EML1: variants seen among roughly 807,000 people sequenced by gnomAD.
EML1 encodes the protein EMAP like 1, also known as echinoderm microtubule-associated protein-like 1.
In EML1, 27 loss-of-function variants were observed where a neutral mutation model predicts 110.4. That is an observed-to-expected ratio of 0.24 (90% CI 0.18 to 0.34). The LOEUF (loss-of-function observed/expected upper bound fraction) is 0.34. EML1 is among the 10% of genes least tolerant of loss of function. The pLI is 1.00. For synonymous variants in EML1, 344 were observed against 385.8 expected (o/e 0.89, Z 1.27); for missense variants, 741 against 1,030.9 (o/e 0.72, Z 3.85).
rs191550549 is a variant in EML1 at position 99,922,938 on chromosome 14, C to A, written c.1909+2061C>A. ...TATTTTTTCTGAATGTATGGCTTAT[C>A]TTTTTTTCTGTTTGTTTGTTTTTGA... On this transcript the variant is annotated intron_variant, in intron 17 of 21. Coordinates refer to ENST00000262233, the MANE Select transcript of EML1 (RefSeq NM_004434.3). Among the ~76,000 whole-genome samples the A allele has an allele frequency of 2.3e-3, 343 of 152,128 alleles. 3 individuals are homozygous for A. Among genetic ancestry groups the A allele is most frequent in the Non-Finnish European group, 2.3e-3 (154 of 67,986 alleles).
chr14:99,850,291 G>A, intron 1 of EML1: 1 of 1,288,818 alleles, frequency 7.8e-7, no homozygotes, highest in Non-Finnish European at 1.0e-6. Context: ...ATCACGGAGA[G>A]GTTTATAGAC....
At chr14:99,768,774 G>A (rs1282477839), upstream of EML1, among the ~76,000 whole-genome samples, 1 of 150,806 alleles carries the variant, frequency 6.6e-6, no homozygotes, top group Admixed American at 6.6e-5. Context: ...CTGGAGGGCA[G>A]TGGCACAATC....
At chr14:99,880,855 A>C (rs965502954) in intron 4 of EML1, among the ~76,000 whole-genome samples, 3 of 152,222 alleles carry the variant, frequency 2.0e-5, no homozygotes, top group African/African-American at 7.2e-5. Flanking sequence ...TATCCAGCGT[A>C]GGGCTTGGCA....
chr14:99,764,671 G>A (rs531358437), intron 1 of EML1, among the ~76,000 whole-genome samples: 1 of 152,224 alleles, frequency 6.6e-6, no homozygotes, highest in Non-Finnish European at 1.5e-5. Flanking sequence ...GGCTGAGAAG[G>A]AAAGGGGAGA....
intron 1 of EML1, among the ~76,000 whole-genome samples, chr14:99,751,794 G>A (rs777907231): frequency 3.9e-5 from 6 of 152,096 alleles, no homozygotes; most frequent in Admixed American, 1.3e-4. Flanking sequence ...CCCCAGAACC[G>A]GGGCGGAAGA....
intron 1 of EML1, among the ~76,000 whole-genome samples, chr14:99,840,677 A>T (rs1020595623): frequency 6.6e-6 from 1 of 152,198 alleles, no homozygotes; most frequent in Non-Finnish European, 1.5e-5. Context: ...TTTTAAAATT[A>T]CTAGGCCACT....
At chr14:99,828,868 G>A (rs1287384070) in intron 1 of EML1, among the ~76,000 whole-genome samples, 3 of 152,224 alleles carry the variant, frequency 2.0e-5, no homozygotes, top group Admixed American at 6.5e-5. Context: ...GTTAGTGGAA[G>A]CGGGTCATCA....
At chr14:99,923,084 G>A (rs547551495) in intron 17 of EML1, among the ~76,000 whole-genome samples, 8 of 152,084 alleles carry the variant, frequency 5.3e-5, no homozygotes, top group Non-Finnish European at 1.2e-4. Context: ...TGGGAACACA[G>A]GCACACACCA....
At chr14:99,914,003 A>ATCTG (rs1336865109) in intron 13 of EML1, among the ~76,000 whole-genome samples, 176 bp from the exon 14 acceptor site, 1 of 151,798 alleles carries the variant, frequency 6.6e-6, no homozygotes, top group South Asian at 2.1e-4. Context: ...TGTGGTATCT[A>ATCTG]TGTGAAACTC....
chr14:99,769,008 A>C (rs568755730), upstream of EML1, among the ~76,000 whole-genome samples: 2 of 152,150 alleles, frequency 1.3e-5, no homozygotes, highest in East Asian at 3.9e-4. Context: ...GTAAGCCACC[A>C]CGCCTGGCCT....
At chr14:99,841,863 A>G (rs1468213338) in intron 1 of EML1, among the ~76,000 whole-genome samples, 2 of 152,202 alleles carry the variant, frequency 1.3e-5, no homozygotes, top group African/African-American at 4.8e-5. Flanking sequence ...AGACGCAGTT[A>G]CACACTGCCA....
At chr14:99,830,587 G>A (rs1032705331) in intron 1 of EML1, among the ~76,000 whole-genome samples, 1 of 151,692 alleles carries the variant, frequency 6.6e-6, no homozygotes, top group African/African-American at 2.4e-5. Context: ...TCTAGCTCTT[G>A]TCACCCAGGC....
In EML1 at chr14:99,914,240, T is replaced by C. The variant is rs757607536; in HGVS notation, c.1556T>C (p.Ile519Thr). The C allele has an allele frequency of 6.2e-6, 10 of 1,613,922 alleles. No homozygotes were observed. The highest frequency in any genetic ancestry group is 1.6e-4 in the Middle Eastern group (1 of 6,080). ...VAEGKGDVIL[I>T]GTTRNFVLQG... The stretch of plus-strand genomic sequence containing the variant: ...GAGGGGAAAGGCGATGTGATCTTGA[T>C]TGGCACAACTCGAAACTTTGTCCTG... Residue 519 changes from isoleucine (I) to threonine (T), a missense_variant, in exon 14 of 22, where the codon ATT (isoleucine) becomes ACT (threonine). Physicochemically the swap from Ile to Thr is moderately conservative, Grantham distance 89 (BLOSUM62 -1). Around this residue, in one of 4 missense-constraint regions of EML1, gnomAD observed 388 missense variants for 605.6 expected, o/e 0.64. Coordinates refer to ENST00000262233, the MANE Select transcript of EML1 (RefSeq NM_004434.3).
chr14:99,774,371 A>G (rs2057459288), intron 1 of EML1, among the ~76,000 whole-genome samples: 1 of 152,188 alleles, frequency 6.6e-6, no homozygotes, highest in African/African-American at 2.4e-5. Context: ...GGCAGGGCCC[A>G]GAGTCACCTG....
chr14:99,843,097 T>C (rs995708675), intron 1 of EML1, among the ~76,000 whole-genome samples: 3 of 152,026 alleles, frequency 2.0e-5, no homozygotes, highest in African/African-American at 7.2e-5. Flanking sequence ...CTATAAAAAG[T>C]TTAAAAATTA....
At chr14:99,773,747 G>T (rs2057451385) in exon 1 of EML1, 1 of 152,282 alleles carries the variant, frequency 6.6e-6, no homozygotes, top group Non-Finnish European at 1.5e-5. Context: ...CCAGGCCGAG[G>T]TGGGCGCCGC....
chr14:99,832,735 T>C (rs533404009), intron 1 of EML1, among the ~76,000 whole-genome samples: 229 of 152,354 alleles, frequency 1.5e-3, no homozygotes, highest in African/African-American at 5.4e-3. Context: ...TGTTGAGCTT[T>C]GAGAATGCTT....
At chr14:99,861,627 G>A (rs1038381206) in intron 2 of EML1, among the ~76,000 whole-genome samples, 3 of 152,010 alleles carry the variant, frequency 2.0e-5, no homozygotes, top group Non-Finnish European at 4.4e-5. Flanking sequence ...GATGACAGGC[G>A]CATGTCACCA....
At chr14:99,742,421 G>A (rs1204993636) in intron 1 of EML1, among the ~76,000 whole-genome samples, 1 of 152,176 alleles carries the variant, frequency 6.6e-6, no homozygotes, top group Non-Finnish European at 1.5e-5. Flanking sequence ...TGCAGTGGGT[G>A]GAGGAATTGG....
Sources: gnomAD v4.1 joint callset for allele counts (sites outside exome capture counted in the v4.1 genomes callset) on GRCh38, gnomAD v4.1.1 for gene constraint, gnomAD v4.1.1 regional missense constraint, MANE v1.5 for transcripts, NCBI Gene and HGNC (gene_info 2026-07-23, HGNC 2026-07-21) for gene names.